ERBB4: variants seen among roughly 807,000 people sequenced by gnomAD.
The protein encoded by ERBB4 is erb-b2 receptor tyrosine kinase 4.
In ERBB4, 42 loss-of-function variants were observed where a neutral mutation model predicts 158.0. The observed-to-expected ratio is 0.27, with a 90% CI of 0.21 to 0.34. The LOEUF (loss-of-function observed/expected upper bound fraction) is 0.34. ERBB4 is among the 10% of genes least tolerant of loss of function. ERBB4 has a pLI of 1.00. For synonymous variants in ERBB4, 583 were observed against 558.7 expected (o/e 1.04, Z -0.61); for missense variants, 1,333 against 1,624.1 (o/e 0.82, Z 3.08).
At chr2:212,003,780 T>C (rs533078396) in intron 2 of ERBB4, among the ~76,000 whole-genome samples, 1 of 152,186 alleles carries the variant, frequency 6.6e-6, no homozygotes, top group African/African-American at 2.4e-5. Flanking sequence ...TAGGGCAAAG[T>C]GGTCCAGTGT....
At chr2:211,853,371 T>C (rs1303277905) in intron 3 of ERBB4, among the ~76,000 whole-genome samples, 2 of 152,034 alleles carry the variant, frequency 1.3e-5, no homozygotes, top group African/African-American at 4.8e-5. Context: ...TATTCCAAGG[T>C]GACAACTTCA....
chr2:211,457,136 G>A (rs1039533803), intron 20 of ERBB4, among the ~76,000 whole-genome samples: 5 of 152,014 alleles, frequency 3.3e-5, no homozygotes, highest in African/African-American at 1.2e-4. Context: ...AGATGGACTC[G>A]CTCTAAATCA....
At chr2:211,499,405 T>A (rs2065558544) in intron 20 of ERBB4, among the ~76,000 whole-genome samples, 1 of 151,810 alleles carries the variant, frequency 6.6e-6, no homozygotes, top group Non-Finnish European at 1.5e-5. Flanking sequence ...TGCCTGTCGT[T>A]CCAGCTACTC....
chr2:211,913,657 GTA>G (rs1401630698), intron 3 of ERBB4, among the ~76,000 whole-genome samples: 3,331 of 133,056 alleles, frequency 0.025, 45 homozygotes, highest in East Asian at 0.065. Context: ...GTGTGTGTGT[GTA>G]TGTGTGTATG....
intron 3 of ERBB4, among the ~76,000 whole-genome samples, chr2:211,885,055 C>T (rs2078761540): frequency 6.6e-6 from 1 of 152,102 alleles, no homozygotes; most frequent in East Asian, 1.9e-4. Context: ...ATTGAATTAT[C>T]TCTAATATTT....
chr2:212,014,546 G>A (rs2076463883), intron 2 of ERBB4, among the ~76,000 whole-genome samples: 1 of 152,146 alleles, frequency 6.6e-6, no homozygotes, highest in African/African-American at 2.4e-5. Flanking sequence ...AAACGGAGTG[G>A]TCAATGACAT....
At chr2:211,388,638 C>T (rs1256448037) in intron 25 of ERBB4, among the ~76,000 whole-genome samples, 1 of 151,416 alleles carries the variant, frequency 6.6e-6, no homozygotes, top group African/African-American at 2.4e-5. Context: ...TGAAAACATG[C>T]TTTAGATTCC....
intron 19 of ERBB4, among the ~76,000 whole-genome samples, chr2:211,602,347 C>A (rs1172160930): frequency 6.6e-6 from 1 of 152,058 alleles, no homozygotes; most frequent in Non-Finnish European, 1.5e-5. Flanking sequence ...ACCATCTGCA[C>A]TCAGTGGCGT....
chr2:212,504,800 G>T lies in ERBB4; in HGVS notation c.82+33649C>A, dbSNP rs959200413. Among the ~76,000 whole-genome samples, 11 of 152,224 alleles carry T rather than the reference G, an allele frequency of 7.2e-5. No individual in the cohort carries two copies. The East Asian group carries it at 2.1e-3, about 29-fold the overall frequency. On this transcript the variant is annotated intron_variant, in intron 1 of 27. Coordinates refer to ENST00000342788, the MANE Select transcript of ERBB4 (RefSeq NM_005235.3). Reference sequence around the variant, plus strand: ...CTATTTCTGAGTTGTGTTTGCATATGATTTAGAGTTACCAAATCACCTTCT... The same window carrying T: ...CTATTTCTGAGTTGTGTTTGCATATTATTTAGAGTTACCAAATCACCTTCT...
intron 1 of ERBB4, among the ~76,000 whole-genome samples, chr2:212,291,833 T>C (rs2086218461): frequency 1.3e-5 from 2 of 152,204 alleles, no homozygotes; most frequent in South Asian, 4.1e-4. Context: ...TCTTAAATGT[T>C]GCAGGATGTA....
intron 2 of ERBB4, among the ~76,000 whole-genome samples, chr2:211,990,614 T>C (rs1267241214): frequency 6.6e-6 from 1 of 151,966 alleles, no homozygotes; most frequent in African/African-American, 2.4e-5. Flanking sequence ...AGTCGTTAAA[T>C]TTAAAATAGC....
At chr2:212,091,329 G>A (rs948825281) in intron 2 of ERBB4, among the ~76,000 whole-genome samples, 11 of 151,954 alleles carry the variant, frequency 7.2e-5, no homozygotes, top group African/African-American at 2.2e-4. Flanking sequence ...CTTAATCTAA[G>A]CTTAAGTTCG....
chr2:212,352,417 GTTC>G lies in ERBB4; in HGVS notation c.82+186029_82+186031del, dbSNP rs202039424. On this transcript the variant is annotated intron_variant, in intron 1 of 27. Coordinates refer to ENST00000342788, the MANE Select transcript of ERBB4 (RefSeq NM_005235.3). Reference sequence around the variant, plus strand: ...AAAAATCTTGACCAACAGACCAGAAGTTCTTCTTTGGGGAAATAAAACTAATAA... The same window carrying G: ...AAAAATCTTGACCAACAGACCAGAAGTTCTTTGGGGAAATAAAACTAATAA... 9.4e-3 allele frequency among the ~76,000 whole-genome samples: 1,429 copies of G among 151,304 alleles called. 28 individuals are homozygous for G. Among genetic ancestry groups the G allele is most frequent in the African/African-American group, 0.033 (1,347 of 41,236 alleles).
intron 1 of ERBB4, 116 bp from the exon 2 acceptor site, chr2:212,125,019 A>C (rs2079878727): frequency 1.6e-6 from 2 of 1,271,864 alleles, no homozygotes; most frequent in African/African-American, 2.9e-5. Context: ...TCTGAATATA[A>C]ATATTTCGAT....
chr2:212,345,089 C>A (rs1291016893), intron 1 of ERBB4, among the ~76,000 whole-genome samples: 2 of 151,576 alleles, frequency 1.3e-5, no homozygotes, highest in Non-Finnish European at 2.9e-5. Flanking sequence ...CACGGTGAAA[C>A]CCCGTCTCTA....
chr2:212,252,304 A>C (rs150838583), intron 1 of ERBB4, among the ~76,000 whole-genome samples: 144 of 152,236 alleles, frequency 9.5e-4, no homozygotes, highest in African/African-American at 3.1e-3. Context: ...AGGTAAACAC[A>C]AATGAATGAA....
intron 1 of ERBB4, among the ~76,000 whole-genome samples, chr2:212,227,076 T>G (rs1017613833): frequency 2.0e-5 from 3 of 151,954 alleles, no homozygotes; most frequent in Non-Finnish European, 2.9e-5. Context: ...TGAAACCCCA[T>G]CTCTACTAAA....
intron 3 of ERBB4, among the ~76,000 whole-genome samples, chr2:211,861,124 TTATATATATATATATATATA>T (rs143515103): frequency 1.5e-4 from 3 of 20,254 alleles, no homozygotes; most frequent in African/African-American, 6.8e-4. Context: ...TATATATATT[TTATATATATATATATATATA>T]TATATATATA....
chr2:212,387,898 A>T (rs1189766561), intron 1 of ERBB4, among the ~76,000 whole-genome samples: 1 of 152,144 alleles, frequency 6.6e-6, no homozygotes, highest in African/African-American at 2.4e-5. Context: ...TACATACTAT[A>T]TTCAGAGCAT....
Sources: allele counts gnomAD v4.1 joint callset (sites outside exome capture counted in the v4.1 genomes callset), GRCh38; gene constraint gnomAD v4.1.1; transcripts MANE v1.5; gene names NCBI Gene and HGNC (gene_info 2026-07-23, HGNC 2026-07-21).